The following SELENOI variants were observed in gnomAD, a reference collection of about 807,000 sequenced individuals.
SELENOI encodes the protein selenoprotein I.
SELENOI carries 24 observed loss-of-function variants against 50.7 expected under a neutral mutation model. That is an observed-to-expected ratio of 0.47 (90% CI 0.34 to 0.67). The LOEUF (loss-of-function observed/expected upper bound fraction) is 0.67, where lower values mean the gene tolerates loss of function less well. SELENOI is among the 30% of genes least tolerant of loss of function. SELENOI has a pLI of 0.01. For missense variants in SELENOI, 352 were observed against 461.4 expected (o/e 0.76, Z 2.17); for synonymous variants, 155 against 170.2 (o/e 0.91, Z 0.70).
chr2:26,375,269 C>G (rs1360704769), intron 6 of SELENOI, 121 bp downstream of exon 6: 1 of 593,770 alleles, frequency 1.7e-6, no homozygotes, highest in Non-Finnish European at 3.0e-6. Context: ...GCAGAACAAC[C>G]CTACAACCTT....
intron 4 of SELENOI, among the ~76,000 whole-genome samples, chr2:26,367,850 A>G (rs1405500912): frequency 6.6e-6 from 1 of 152,192 alleles, no homozygotes; most frequent in Non-Finnish European, 1.5e-5. Flanking sequence ...AGGATTATCC[A>G]CATGGCTTGT....
At chr2:26,360,791 T>C (rs899673982) in intron 1 of SELENOI, among the ~76,000 whole-genome samples, 1 of 151,756 alleles carries the variant, frequency 6.6e-6, no homozygotes, top group Admixed American at 6.6e-5. Context: ...TGGCAGCCTG[T>C]AGGGGTTCAT....
chr2:26,391,111 T>C lies in SELENOI; in HGVS notation c.*2008T>C, dbSNP rs889992624. 2 of 152,222 alleles carry C rather than the reference T, an allele frequency of 1.3e-5. No homozygotes were observed. Among genetic ancestry groups the C allele is most frequent in the African/African-American group, 4.8e-5 (2 of 41,438 alleles). 9.4% of individuals were successfully genotyped at this position (152,222 alleles called of 1,614,324 possible). ...ACGTCCTATAGTTTGGGGGCCCTTTTACTTCAAAGGTGTGTTTCTGCCCTC... is the reference window on the plus strand; with the variant it reads ...ACGTCCTATAGTTTGGGGGCCCTTTCACTTCAAAGGTGTGTTTCTGCCCTC... On this transcript the variant is annotated 3_prime_UTR_variant, in exon 10 of 10. Coordinates refer to ENST00000260585, the MANE Select transcript of SELENOI (RefSeq NM_033505.4).
At chr2:26,365,795 CTTTTT>C (rs55900237) in intron 3 of SELENOI, among the ~76,000 whole-genome samples, 7 of 108,394 alleles carry the variant, frequency 6.5e-5, no homozygotes, top group African/African-American at 1.3e-4. Context: ...ACACTTAAGA[CTTTTT>C]TTTTTTTTTT....
intron 6 of SELENOI, among the ~76,000 whole-genome samples, chr2:26,376,280 C>A (rs1677565649): frequency 6.6e-6 from 1 of 152,052 alleles, no homozygotes; most frequent in Non-Finnish European, 1.5e-5. Context: ...TAGGAACTAT[C>A]TTGAAATCTA....
At chr2:26,351,055 G>GT (rs35623246) in intron 1 of SELENOI, among the ~76,000 whole-genome samples, 1,749 of 102,226 alleles carry the variant, frequency 0.017, 26 homozygotes, top group African/African-American at 0.035. Context: ...CTGTTTGTTT[G>GT]TTTTTTTTTT....
intron 9 of SELENOI, 36 bp downstream of exon 9, chr2:26,386,572 G>C: frequency 6.8e-7 from 1 of 1,472,054 alleles, no homozygotes; most frequent in South Asian, 1.4e-5. Context: ...TCAATTTGGG[G>C]CTTATAAATG....
chr2:26,365,795 C>CT (rs55900237), intron 3 of SELENOI, among the ~76,000 whole-genome samples: 280 of 108,344 alleles, frequency 2.6e-3, no homozygotes, highest in East Asian at 0.013. Flanking sequence ...ACACTTAAGA[C>CT]TTTTTTTTTT....
At chr2:26,383,496 T>C in intron 7 of SELENOI, 149 bp downstream of exon 7, 1 of 589,842 alleles carries the variant, frequency 1.7e-6, no homozygotes, top group Non-Finnish European at 3.0e-6. Context: ...GGTAGGATAG[T>C]TTAGGGTGTC....
intron 1 of SELENOI, chr2:26,346,977 G>C (rs1308924338): frequency 6.6e-6 from 1 of 152,208 alleles, no homozygotes; most frequent in African/African-American, 2.4e-5. Flanking sequence ...AGCTTCTGCT[G>C]TGCAAAATGA....
At chr2:26,374,864 C>T (rs1184469842) in intron 5 of SELENOI, among the ~76,000 whole-genome samples, 176 bp from the exon 6 acceptor site, 5 of 152,152 alleles carry the variant, frequency 3.3e-5, no homozygotes, top group African/African-American at 7.2e-5. Flanking sequence ...GCCCCCACGT[C>T]CAGCCAAAAG....
In SELENOI at chr2:26,389,964, G is replaced by A. The variant is rs1677928147; in HGVS notation, c.*861G>A. ...TAAGATAAATATAAATTGGAGTTAG[G>A]AATTTCATGAACCTCACTATGACCA... On this transcript the variant is annotated 3_prime_UTR_variant, in exon 10 of 10. Transcript: ENST00000260585. The A allele has an allele frequency of 3.3e-5, 5 of 151,412 alleles. No individual in the cohort carries two copies. In the Admixed American group the frequency reaches 3.3e-4, roughly 10 times the overall value. 9.4% of individuals were successfully genotyped at this position (151,412 alleles called of 1,614,324 possible). A position where few individuals can be genotyped will look rare whatever the true frequency, so the allele number is the denominator to read the frequency against.
At chr2:26,371,722 G>A (rs1036828225) in intron 4 of SELENOI, among the ~76,000 whole-genome samples, 6 of 152,236 alleles carry the variant, frequency 3.9e-5, no homozygotes, top group Non-Finnish European at 5.9e-5. Context: ...CCAGTCAGGC[G>A]TGGCGGCGTG....
intron 1 of SELENOI, among the ~76,000 whole-genome samples, chr2:26,361,466 C>G (rs1477105337): frequency 1.3e-5 from 2 of 152,184 alleles, no homozygotes; most frequent in East Asian, 3.8e-4. Flanking sequence ...TTTGGTCTCT[C>G]TCTCTCAAAA....
At chr2:26,355,926 G>C (rs958894) in intron 1 of SELENOI, among the ~76,000 whole-genome samples, 2 of 151,818 alleles carry the variant, frequency 1.3e-5, no homozygotes, top group African/African-American at 2.4e-5. Context: ...TTATTTTGTA[G>C]AAATGGGGTT....
chr2:26,386,573 C>A, intron 9 of SELENOI, 37 bp downstream of exon 9: 1 of 1,462,618 alleles, frequency 6.8e-7, no homozygotes, highest in Non-Finnish European at 9.1e-7. Flanking sequence ...CAATTTGGGG[C>A]TTATAAATGG....
At chr2:26,371,985 C>G (rs1335687180) in intron 4 of SELENOI, among the ~76,000 whole-genome samples, 2 of 152,164 alleles carry the variant, frequency 1.3e-5, no homozygotes, top group African/African-American at 4.8e-5. Context: ...TTCTTTATGT[C>G]CTCTACTCAG....
intron 2 of SELENOI, 52 bp from the exon 3 acceptor site, chr2:26,364,780 T>G: frequency 7.6e-7 from 1 of 1,316,046 alleles, no homozygotes; most frequent in Non-Finnish European, 1.1e-6. Context: ...TAGTATACAT[T>G]GGACAGAGAT....
chr2:26,375,749 A>G (rs887049717), intron 6 of SELENOI, among the ~76,000 whole-genome samples: 3 of 152,166 alleles, frequency 2.0e-5, no homozygotes, highest in African/African-American at 7.2e-5. Context: ...CAGGAGTGGC[A>G]CTGAGAACCT....
Sources: gnomAD v4.1 joint callset for allele counts (sites outside exome capture counted in the v4.1 genomes callset) on GRCh38, gnomAD v4.1.1 for gene constraint, MANE v1.5 for transcripts, NCBI Gene and HGNC (gene_info 2026-07-23, HGNC 2026-07-21) for gene names.